The following ZFP2 variants were observed in gnomAD, a reference collection of about 807,000 sequenced individuals.
ZFP2 encodes ZFP2 zinc finger protein, also known as zinc finger protein ZFP2.
In ZFP2, 33 loss-of-function variants were observed where a neutral mutation model predicts 36.1. The ratio of observed to expected loss-of-function variants is 0.92; its 90% CI spans 0.69 to 1.22. The LOEUF (loss-of-function observed/expected upper bound fraction) is 1.22, where lower values mean the gene tolerates loss of function less well. ZFP2 is among the 50% of genes most tolerant of loss of function. The pLI is 0.00. For synonymous variants in ZFP2, 170 were observed against 178.0 expected (o/e 0.96, Z 0.36); for missense variants, 522 against 551.4 (o/e 0.95, Z 0.53).
rs768958074 is a variant in ZFP2, at chr5:178,932,113, A to C, written c.800A>C (p.Glu267Ala). ...GTACATCAGAGAAGCCATACTGGAG[A>C]AAAACCCTATGAGTGTAGTCAATGT... is the stretch of plus-strand genomic sequence containing the variant. ...LIVHQRSHTGEKPYECSQCGK... is the reference protein window; with the variant it reads ...LIVHQRSHTGAKPYECSQCGK... The change falls in exon 5 of 5, where the codon GAA becomes GCA. Residue 267 changes from glutamate to alanine, a missense_variant. Coordinates refer to ENST00000361362, the MANE Select transcript of ZFP2 (RefSeq NM_030613.4). 4 of 1,612,838 alleles carry C rather than the reference A, an allele frequency of 2.5e-6. No individual in the cohort carries two copies. The highest frequency in any genetic ancestry group is 3.4e-6 in the Non-Finnish European group (4 of 1,179,090).
At chr5:178,904,397 C>G (rs1758123890) in intron 1 of ZFP2, among the ~76,000 whole-genome samples, 1 of 152,090 alleles carries the variant, frequency 6.6e-6, no homozygotes, top group Non-Finnish European at 1.5e-5. Flanking sequence ...TCACTCAGGG[C>G]TGTTTTAGCT....
At chr5:178,897,307 A>C (rs79466854) in intron 1 of ZFP2, among the ~76,000 whole-genome samples, 21,422 of 152,048 alleles carry the variant, frequency 0.14, 1,773 homozygotes, top group African/African-American at 0.23. Flanking sequence ...GATTGTTTAC[A>C]TTTGCATTTT....
At chr5:178,912,364 C>T (rs1473705819) in intron 1 of ZFP2, among the ~76,000 whole-genome samples, 1 of 152,140 alleles carries the variant, frequency 6.6e-6, no homozygotes, top group Non-Finnish European at 1.5e-5. Context: ...CCTTTAGTGC[C>T]TTTCCTTATT....
chr5:178,909,966 G>A, intron 1 of ZFP2: 1 of 1,401,590 alleles, frequency 7.1e-7, no homozygotes, highest in Non-Finnish European at 1.0e-6. Flanking sequence ...GTCCAATACT[G>A]GAGAATTGTT....
At chr5:178,904,696 C>CTTTTTTTTTTT (rs1195032566) in intron 1 of ZFP2, among the ~76,000 whole-genome samples, 5 of 88,622 alleles carry the variant, frequency 5.6e-5, no homozygotes, top group Non-Finnish European at 8.8e-5. Flanking sequence ...ATTCATTTTG[C>CTTTTTTTTTTT]TTTTTTTTTT....
At chr5:178,909,145 C>T (rs1392409010) in intron 1 of ZFP2, among the ~76,000 whole-genome samples, 18 of 134,610 alleles carry the variant, frequency 1.3e-4, no homozygotes, top group African/African-American at 4.8e-4. Context: ...GGGCTCAGGG[C>T]GTAAAACCCC....
intron 1 of ZFP2, among the ~76,000 whole-genome samples, chr5:178,901,832 G>A (rs1354209832): frequency 6.6e-6 from 1 of 151,224 alleles, no homozygotes; most frequent in Non-Finnish European, 1.5e-5. Flanking sequence ...AATAATTTCA[G>A]ACTTTAAAAA....
At chr5:178,927,124 T>C (rs986500334) in intron 4 of ZFP2, among the ~76,000 whole-genome samples, 1 of 152,264 alleles carries the variant, frequency 6.6e-6, no homozygotes, top group South Asian at 2.1e-4. Flanking sequence ...GGATAAGAAA[T>C]AGGATCTAAG....
At chr5:178,913,161 C>A in intron 3 of ZFP2, 90 bp downstream of exon 3, 1 of 689,976 alleles carries the variant, frequency 1.4e-6, no homozygotes, top group Non-Finnish European at 1.8e-6. Flanking sequence ...GAGACTAGGG[C>A]CACTGGATGT....
In ZFP2 at chr5:178,912,709, G is replaced by A. The variant is rs533103433; in HGVS notation, c.-324G>A. 24 of 1,063,950 alleles carry A rather than the reference G, an allele frequency of 2.3e-5. No individual in the cohort carries two copies. Among genetic ancestry groups the A allele is most frequent in the East Asian group, 7.8e-5 (1 of 12,782 alleles). 65.9% of individuals were successfully genotyped at this position (1,063,950 alleles called of 1,614,324 possible). Reference sequence around the variant, plus strand: ...TGATGCTGGAGAACTACAGGAACCCGGTCTCACTGGGTAAGGACTTCTTGT... The same window carrying A: ...TGATGCTGGAGAACTACAGGAACCCAGTCTCACTGGGTAAGGACTTCTTGT... On this transcript the variant is annotated 5_prime_UTR_variant, in exon 2 of 5. Transcript: ENST00000361362.
Position 178,932,651 on chromosome 5 carries a change from C to G in ZFP2, c.1338C>G (p.Ala446=), listed in dbSNP as rs1358853190. ...ATCAGTGTAATGAATGCGGAAAAGC[C>G]TTCAGCCGGAGTACAAACCTTACAC... ...KPYQCNECGK[A]FSRSTNLTRH... Residue 446 remains alanine, a synonymous_variant, in exon 5 of 5, where the codon GCC becomes GCG. Transcript: ENST00000361362. 8.1e-6 allele frequency: 13 copies of G among 1,612,912 alleles called. No individual in the cohort carries two copies. The highest frequency in any genetic ancestry group is 1.1e-5 in the Non-Finnish European group (13 of 1,179,482).
At chr5:178,912,425 A>G (rs970579563) in intron 1 of ZFP2, among the ~76,000 whole-genome samples, 159 bp from the exon 2 acceptor site, 1 of 152,010 alleles carries the variant, frequency 6.6e-6, no homozygotes, top group Non-Finnish European at 1.5e-5. Context: ...CACTTTTTAT[A>G]TTATGTCTCT....
chr5:178,915,045 A>G (rs1028519396), intron 3 of ZFP2, among the ~76,000 whole-genome samples: 6 of 152,166 alleles, frequency 3.9e-5, no homozygotes, highest in African/African-American at 1.4e-4. Context: ...TGTTCTTCTT[A>G]AATAGCAGTC....
chr5:178,919,685 C>T (rs1581838245), intron 4 of ZFP2, among the ~76,000 whole-genome samples: 1 of 152,118 alleles, frequency 6.6e-6, no homozygotes, highest in Admixed American at 6.5e-5. Context: ...TATGGCTGGG[C>T]ATAGTGGTTC....
Position 178,932,540 on chromosome 5 carries a change from C to G in ZFP2, c.1227C>G (p.Pro409=). 1 of 1,614,054 alleles carries G rather than the reference C, an allele frequency of 6.2e-7. No homozygotes were observed. Among genetic ancestry groups the G allele is most frequent in the African/African-American group, 1.3e-5 (1 of 75,012 alleles). ...AAAGAATTCATACTGGTGAGAAACC[C>G]TATGAATGTGATCAGTGTGGAAAAG... ...EHQRIHTGEK[P]YECDQCGKAF... Residue 409 remains proline, a synonymous_variant, in exon 5 of 5, where the codon CCC becomes CCG. Coordinates refer to ENST00000361362, the MANE Select transcript of ZFP2 (RefSeq NM_030613.4).
At chr5:178,907,621 G>GATAAATAAATAAATAA (rs10687726) in intron 1 of ZFP2, among the ~76,000 whole-genome samples, 109 of 150,184 alleles carry the variant, frequency 7.3e-4, no homozygotes, top group African/African-American at 2.6e-3. Flanking sequence ...TATTCAAAGA[G>GATAAATAAATAAATAA]ATAAATAAAT....
intron 1 of ZFP2, among the ~76,000 whole-genome samples, chr5:178,907,326 T>C (rs1454798983): frequency 6.6e-6 from 1 of 151,502 alleles, no homozygotes; most frequent in Admixed American, 6.6e-5. Context: ...TGTGTACACA[T>C]ATATATTTTA....
intron 1 of ZFP2, among the ~76,000 whole-genome samples, chr5:178,901,910 G>A (rs940019379): frequency 6.6e-6 from 1 of 152,096 alleles, no homozygotes; most frequent in Non-Finnish European, 1.5e-5. Flanking sequence ...ACGGCAGGTG[G>A]ATCACTTGAG....
chr5:178,910,617 C>T (rs1416146454), intron 1 of ZFP2: 8 of 419,588 alleles, frequency 1.9e-5, no homozygotes, highest in Non-Finnish European at 3.2e-5. Context: ...GTACTGGTGT[C>T]CCGGCCTCTA....
Sources: gnomAD v4.1 joint callset for allele counts (sites outside exome capture counted in the v4.1 genomes callset) on GRCh38, gnomAD v4.1.1 for gene constraint, MANE v1.5 for transcripts, NCBI Gene and HGNC (gene_info 2026-07-23, HGNC 2026-07-21) for gene names.